TEDC2: variants seen among roughly 807,000 people sequenced by gnomAD.
TEDC2 encodes the protein tubulin epsilon and delta complex 2, also known as tubulin epsilon and delta complex protein 2.
Under a neutral mutation model 48.1 loss-of-function variants are expected in TEDC2, and 49 were observed. The observed-to-expected ratio is 1.02, with a 90% CI of 0.81 to 1.29. The LOEUF (loss-of-function observed/expected upper bound fraction) is 1.29. Ranked by LOEUF, TEDC2 falls within the 50% of genes most tolerant of loss-of-function variation. The pLI is 0.00. For missense variants in TEDC2, 631 were observed against 571.4 expected (o/e 1.10, Z -1.06); for synonymous variants, 299 against 247.1 (o/e 1.21, Z -1.97).
chr16:2,464,273 C>A, intron 9 of TEDC2, 44 bp downstream of exon 9: 1 of 1,582,448 alleles, frequency 6.3e-7, no homozygotes, highest in African/African-American at 1.3e-5. Context: ...AGGTCCGCAG[C>A]CTTGAGGACC....
chr16:2,462,128 C>T, intron 5 of TEDC2, 21 bp from the exon 6 acceptor site: 3 of 1,609,490 alleles, frequency 1.9e-6, no homozygotes, highest in Non-Finnish European at 2.5e-6. Context: ...TTCCTCTGTG[C>T]ACCCCACGTG....
intron 4 of TEDC2, chr16:2,461,515 T>TGCTCACAGGGCCCC (rs112474746): frequency 1.9e-5 from 12 of 639,764 alleles, no homozygotes; most frequent in East Asian, 1.4e-4. Context: ...GCGTGGGATC[T>TGCTCACAGGGCCCC]GCTCACAGGG....
Position 2,464,508 on chromosome 16 carries a change from T to TGCCCTGCCCC in TEDC2, c.1156-13_1156-4dup. 1.3e-6 allele frequency: 2 copies of TGCCCTGCCCC among 1,550,778 alleles called. No individual in the cohort carries two copies. The highest frequency in any genetic ancestry group is 1.7e-6 in the Non-Finnish European group (2 of 1,157,228). ...TGCCCCTGAGACCTTGGCCCTGCCC[T>TGCCCTGCCCC]GCCCTGCCCCCAGGTCCTGATGGCT... On this transcript the variant is annotated splice_polypyrimidine_tract_variant and intron_variant, in intron 9 of 9. Coordinates refer to ENST00000361837, the MANE Select transcript of TEDC2 (RefSeq NM_025108.3).
intron 4 of TEDC2, 45 bp from the exon 5 acceptor site, chr16:2,461,702 C>G: frequency 6.2e-7 from 1 of 1,610,302 alleles, no homozygotes; most frequent in Non-Finnish European, 8.5e-7. Flanking sequence ...ACTTGTAGAC[C>G]CCAGAGCAAG....
chr16:2,462,237 G>C lies in TEDC2; in HGVS notation c.748G>C (p.Ala250Pro), dbSNP rs562444371. The C allele has an allele frequency of 2.5e-6, 4 of 1,613,142 alleles. No homozygotes were observed. In the Admixed American group the frequency reaches 5.0e-5, roughly 20 times the overall value. The stretch of plus-strand genomic sequence containing the variant: ...CCAGTTCCTCCAGAACATGCAGACA[G>C]CTGTATCCTTGCTGGGCTTGTGGGA... ...KTQFLQNMQT[A>P]SGGPQPRLSA... The change falls in exon 6 of 10, where the codon GCT (alanine) becomes CCT (proline). Residue 250 changes from alanine (A) to proline (P), a missense_variant and splice_region_variant. By Grantham distance (27) the Ala-to-Pro change is conservative. Transcript: ENST00000361837.
In TEDC2 at chr16:2,464,525, C is replaced by T; in HGVS notation, c.1159C>T (p.Leu387=). The part of the protein sequence containing the change: ...LDQQIHLEKV[L]MAELLPLVSA... ...CCCTGCCCTGCCCTGCCCCCAGGTC[C>T]TGATGGCTGAACTCCTCCCCCTGGT... is the stretch of plus-strand genomic sequence containing the variant. The change falls in exon 10 of 10, where the codon CTG becomes TTG. Residue 387 remains leucine, a synonymous_variant. Transcript: ENST00000361837. The T allele has an allele frequency of 1.3e-6, 2 of 1,567,614 alleles. No individual in the cohort carries two copies. The highest frequency in any genetic ancestry group is 2.4e-5 in the South Asian group (2 of 85,094).
chr16:2,463,275 T>C lies in TEDC2; in HGVS notation c.964+543T>C, dbSNP rs577292829. On this transcript the variant is annotated intron_variant, in intron 8 of 9. Transcript: ENST00000361837. ...GGAGGAGCTTGCAGTGAGCTGAGAT[T>C]GCGCCACTGCATTCCAGCCTGGGCG... is the stretch of plus-strand genomic sequence containing the variant. Among the ~76,000 whole-genome samples the C allele has an allele frequency of 2.1e-4, 32 of 151,220 alleles. No homozygotes were observed. In the South Asian group the frequency reaches 6.5e-3, roughly 31 times the overall value.
At chr16:2,460,783 G>A (rs1264007742) in intron 3 of TEDC2, 33 bp from the exon 4 acceptor site, 2 of 1,610,716 alleles carry the variant, frequency 1.2e-6, no homozygotes, top group Non-Finnish European at 8.5e-7. Flanking sequence ...GGACAGTGGG[G>A]AGAGATCCCT....
rs759447932 is a variant in TEDC2 at position 2,461,797 on chromosome 16, C to T, written c.656C>T (p.Ser219Leu). The T allele has an allele frequency of 3.3e-5, 54 of 1,613,328 alleles. No individual in the cohort carries two copies. The East Asian group carries it at 3.8e-4, about 11-fold the overall frequency. ...TTCAGGAAAGCAGCTTCCCAGAACT[C>T]GAGGTGAGGCTGAGGTCTTTGGCTG... The part of the protein sequence containing the change: ...AAFRKAASQN[S>L]SLWAQLSSTQ... The change falls in exon 5 of 10, where the codon TCG (serine) becomes TTG (leucine). Residue 219 changes from serine to leucine, a missense_variant. By Grantham distance (145) the Ser-to-Leu change is moderately radical (BLOSUM62 -2). Coordinates refer to ENST00000361837, the MANE Select transcript of TEDC2 (RefSeq NM_025108.3).
intron 8 of TEDC2, 154 bp from the exon 9 acceptor site, chr16:2,463,885 A>G: frequency 1.2e-6 from 1 of 834,658 alleles, no homozygotes; most frequent in Non-Finnish European, 1.8e-6. Flanking sequence ...GTCCAGGCCC[A>G]AGACACACCA....
intron 5 of TEDC2, 102 bp from the exon 6 acceptor site, chr16:2,462,047 G>T (rs1262799114): frequency 2.2e-6 from 3 of 1,344,232 alleles, no homozygotes; most frequent in Admixed American, 1.9e-5. Context: ...CCAGCCTGGG[G>T]TCCCCACCCT....
intron 9 of TEDC2, 41 bp downstream of exon 9, chr16:2,464,270 C>A (rs774756619): frequency 1.3e-6 from 2 of 1,591,900 alleles, no homozygotes; most frequent in African/African-American, 2.7e-5. Flanking sequence ...CAGAGGTCCG[C>A]AGCCTTGAGG....
At chr16:2,462,816 G>A in intron 8 of TEDC2, 84 bp downstream of exon 8, 9 of 1,315,220 alleles carry the variant, frequency 6.8e-6, no homozygotes, top group South Asian at 5.8e-5. Context: ...CTGCGCCTCA[G>A]GGAAGGGTGA....
In TEDC2 at chr16:2,460,983, C is replaced by T; in HGVS notation, c.364C>T (p.Pro122Ser). The T allele has an allele frequency of 6.2e-7, 1 of 1,613,346 alleles. No homozygotes were observed. Among genetic ancestry groups the T allele is most frequent in the Non-Finnish European group, 8.5e-7 (1 of 1,179,988 alleles). ...VTSSGTTASA[P>S]PHSPGQAGGH... is the part of the protein sequence containing the mutation. ...CTCTTCTGGCACGACAGCCTCCGCC[C>T]CACCGCATTCCCCAGGCCAAGCTGG... Residue 122 changes from proline (P) to serine (S), a missense_variant, in exon 4 of 10, where the codon CCA becomes TCA. By Grantham distance (74) the Pro-to-Ser change is moderately conservative. Transcript: ENST00000361837.
rs1308240222 is a variant in TEDC2, at chr16:2,462,486, C to T, written c.822C>T (p.Cys274=). The T allele has an allele frequency of 1.2e-6, 2 of 1,609,098 alleles. No individual in the cohort carries two copies. The highest frequency in any genetic ancestry group is 4.5e-5 in the East Asian group (2 of 44,620). ...EAEAGRLRKA[C]SLLRLRMREE... ...AGGCGGGGCGCCTGCGGAAGGCCTG[C>T]TCGCTGCTGAGACTGCGCATGAGGG... The change falls in exon 7 of 10, where the codon TGC becomes TGT. Residue 274 remains cysteine (C), a synonymous_variant. Coordinates refer to ENST00000361837, the MANE Select transcript of TEDC2 (RefSeq NM_025108.3).
intron 1 of TEDC2, 31 bp from the exon 2 acceptor site, chr16:2,460,252 C>T: frequency 2.0e-6 from 3 of 1,503,782 alleles, no homozygotes; most frequent in Non-Finnish European, 2.6e-6. Flanking sequence ...CGACGCTGGC[C>T]GAGGTGCTGA....
intron 8 of TEDC2, chr16:2,463,829 A>T (rs967228082): frequency 1.8e-6 from 1 of 561,920 alleles, no homozygotes; most frequent in East Asian, 3.0e-5. Context: ...CAGTAAAGAA[A>T]TTAGGCAGGC....
chr16:2,463,360 C>G (rs561576008), intron 8 of TEDC2, among the ~76,000 whole-genome samples: 161 of 151,882 alleles, frequency 1.1e-3, no homozygotes, highest in Non-Finnish European at 2.0e-3. Context: ...GGCACAGTGG[C>G]TCACGCCTGT....
chr16:2,460,564 G>C (rs1040344084), intron 2 of TEDC2, 59 bp from the exon 3 acceptor site: 9 of 1,601,676 alleles, frequency 5.6e-6, no homozygotes, highest in Non-Finnish European at 6.8e-6. Context: ...GGCCCCCTCG[G>C]GTCTGTTTGG....
Sources: allele counts gnomAD v4.1 joint callset (sites outside exome capture counted in the v4.1 genomes callset), GRCh38; gene constraint gnomAD v4.1.1; transcripts MANE v1.5; gene names NCBI Gene and HGNC (gene_info 2026-07-23, HGNC 2026-07-21).